TMCC3: variants seen among roughly 807,000 people sequenced by gnomAD.
TMCC3 encodes the protein transmembrane and coiled-coil domain family 3.
TMCC3 carries 28 observed loss-of-function variants against 40.2 expected under a neutral mutation model. That is an observed-to-expected ratio of 0.70 (90% CI 0.52 to 0.95). The LOEUF (loss-of-function observed/expected upper bound fraction) is 0.95, where lower values mean the gene tolerates loss of function less well. Ranked by LOEUF, TMCC3 falls within the 40% of genes least tolerant of loss-of-function variation. The pLI, the probability that TMCC3 is intolerant of heterozygous loss-of-function variation, is 0.00. For synonymous variants in TMCC3, 255 were observed against 248.5 expected (o/e 1.03, Z -0.25); for missense variants, 554 against 615.2 (o/e 0.90, Z 1.05).
Position 94,582,497 on chromosome 12 carries a change from G to T in TMCC3, c.120C>A (p.Asn40Lys), listed in dbSNP as rs775506507. ...HDMNTLSLPL[N>K]IRRGGSDTNL... ...TGGTGTCTGACCCCCCTCGGCGTATGTTCAGGGGCAGGCTTAAGGTATTCA... is the reference window on the plus strand; with the variant it reads ...TGGTGTCTGACCCCCCTCGGCGTATTTTCAGGGGCAGGCTTAAGGTATTCA... Residue 40 changes from asparagine to lysine, a missense_variant, in exon 2 of 4, where the codon AAC becomes AAA. By Grantham distance (94) the Asn-to-Lys change is moderately conservative. Transcript: ENST00000261226. 2.5e-6 allele frequency: 4 copies of T among 1,613,562 alleles called. No individual in the cohort carries two copies. In the African/African-American group the frequency reaches 5.3e-5, roughly 22 times the overall value.
At chr12:94,615,234 C>G (rs913982062) in intron 1 of TMCC3, among the ~76,000 whole-genome samples, 11 of 152,204 alleles carry the variant, frequency 7.2e-5, no homozygotes, top group Non-Finnish European at 1.6e-4. Flanking sequence ...CCTGTGAGAT[C>G]AAAGGCTCCC....
intron 3 of TMCC3, among the ~76,000 whole-genome samples, chr12:94,574,318 G>A (rs1348719292): frequency 6.6e-6 from 1 of 151,828 alleles, no homozygotes; most frequent in African/African-American, 2.4e-5. Context: ...AACCCAGGAG[G>A]CGGAGGTTGC....
At position 94,571,611 on chromosome 12, in the gene TMCC3, C is replaced by G; in HGVS notation, c.1258G>C (p.Ala420Pro). 6.2e-7 allele frequency: 1 copy of G among 1,614,160 alleles called. No homozygotes were observed. Among genetic ancestry groups the G allele is most frequent in the Non-Finnish European group, 8.5e-7 (1 of 1,180,032 alleles). Residue 420 changes from alanine to proline, a missense_variant, in exon 4 of 4, where the codon GCC (alanine) becomes CCC (proline). Physicochemically the swap from Ala to Pro is conservative, Grantham distance 27. Coordinates refer to ENST00000261226, the MANE Select transcript of TMCC3 (RefSeq NM_020698.4). ...CACACTAAGATGACAGTCATGAAGG[C>G]CAGGATCACGTTGATGCACCTCCCC... ...LLGRCINVILAFMTVILVCVS... is the reference protein window; with the variant it reads ...LLGRCINVILPFMTVILVCVS...
intron 1 of TMCC3, among the ~76,000 whole-genome samples, chr12:94,614,806 C>T (rs1433890715): frequency 4.7e-5 from 7 of 149,898 alleles, no homozygotes; most frequent in Admixed American, 6.7e-5. Flanking sequence ...CACTCTGTCA[C>T]CCAGGCTCGT....
chr12:94,573,819 C>A (rs1291091608), intron 3 of TMCC3, among the ~76,000 whole-genome samples: 1 of 124,908 alleles, frequency 8.0e-6, no homozygotes, highest in African/African-American at 2.9e-5. Context: ...GTGCCTCCCC[C>A]ACTCCATCCC....
At chr12:94,613,054 T>C (rs896490906) in intron 1 of TMCC3, among the ~76,000 whole-genome samples, 13 of 151,848 alleles carry the variant, frequency 8.6e-5, no homozygotes, top group Non-Finnish European at 4.4e-5. Flanking sequence ...GAGAGATATA[T>C]ATACACGCAC....
chr12:94,597,124 C>CATACATACATATAT (rs1491316794), intron 1 of TMCC3, among the ~76,000 whole-genome samples: 4 of 29,832 alleles, frequency 1.3e-4, no homozygotes, highest in Admixed American at 1.0e-3. Flanking sequence ...TATTAAAATA[C>CATACATACATATAT]ATATATATAT....
chr12:94,622,245 A>AC (rs1276615449), intron 1 of TMCC3, among the ~76,000 whole-genome samples: 4 of 151,594 alleles, frequency 2.6e-5, no homozygotes, highest in African/African-American at 7.3e-5. Flanking sequence ...GGGAAACCAA[A>AC]CCCCCCAAGC....
chr12:94,590,260 ATTTT>A (rs72186655), intron 1 of TMCC3, among the ~76,000 whole-genome samples: 14 of 85,362 alleles, frequency 1.6e-4, no homozygotes, highest in African/African-American at 7.1e-4. Context: ...CGCCCTGCTA[ATTTT>A]TTTTTTTTTT....
At chr12:94,574,930 C>A (rs1018540483) in intron 3 of TMCC3, among the ~76,000 whole-genome samples, 4 of 151,900 alleles carry the variant, frequency 2.6e-5, no homozygotes, top group Non-Finnish European at 5.9e-5. Flanking sequence ...TTTTTTTTAA[C>A]CAAAAGAAAA....
chr12:94,589,852 G>A (rs1336328303), intron 1 of TMCC3, among the ~76,000 whole-genome samples: 1 of 152,124 alleles, frequency 6.6e-6, no homozygotes, highest in Non-Finnish European at 1.5e-5. Flanking sequence ...AATAGCTTAG[G>A]TGGGGCTCAA....
At chr12:94,622,954 C>T (rs1391970177) in intron 1 of TMCC3, among the ~76,000 whole-genome samples, 1 of 151,954 alleles carries the variant, frequency 6.6e-6, no homozygotes, top group African/African-American at 2.4e-5. Flanking sequence ...TCAGCTGGAA[C>T]TTTCCAAAGA....
chr12:94,575,487 G>C (rs1205697029), intron 3 of TMCC3, among the ~76,000 whole-genome samples: 2 of 152,200 alleles, frequency 1.3e-5, no homozygotes, highest in East Asian at 3.8e-4. Flanking sequence ...CAGCATAGGT[G>C]AGGAGGGCCA....
intron 2 of TMCC3, among the ~76,000 whole-genome samples, chr12:94,580,429 G>C (rs1251259807): frequency 6.6e-6 from 1 of 152,034 alleles, no homozygotes; most frequent in Non-Finnish European, 1.5e-5. Flanking sequence ...GCAAACTACA[G>C]AACATAAAAA....
chr12:94,590,884 G>C (rs144807494), intron 1 of TMCC3: 41 of 575,080 alleles, frequency 7.1e-5, no homozygotes, highest in Non-Finnish European at 1.1e-4. Flanking sequence ...GGATGTTATC[G>C]GGCTCAGCCT....
At chr12:94,628,071 TGGTG>T (rs1442571979) in intron 1 of TMCC3, among the ~76,000 whole-genome samples, 1 of 152,236 alleles carries the variant, frequency 6.6e-6, no homozygotes, top group Non-Finnish European at 1.5e-5. Flanking sequence ...GCTCCTGACT[TGGTG>T]GAAGGTTGGG....
intron 1 of TMCC3, among the ~76,000 whole-genome samples, chr12:94,650,019 G>A (rs2069045709): frequency 6.6e-6 from 1 of 152,180 alleles, no homozygotes; most frequent in Non-Finnish European, 1.5e-5. Flanking sequence ...GGGTGGCCGG[G>A]TGGCGGGATT....
At chr12:94,598,021 A>G (rs2068729001) in intron 1 of TMCC3, among the ~76,000 whole-genome samples, 1 of 152,314 alleles carries the variant, frequency 6.6e-6, no homozygotes, top group Admixed American at 6.5e-5. Context: ...GAGAGGACAG[A>G]ATCTTGCCAG....
At chr12:94,626,687 C>T (rs1014115755) in intron 1 of TMCC3, among the ~76,000 whole-genome samples, 2 of 152,166 alleles carry the variant, frequency 1.3e-5, no homozygotes, top group South Asian at 2.1e-4. Flanking sequence ...TACAAGGATG[C>T]CACGGCTCAT....
Sources: allele counts gnomAD v4.1 joint callset (sites outside exome capture counted in the v4.1 genomes callset), GRCh38; gene constraint gnomAD v4.1.1; transcripts MANE v1.5; gene names NCBI Gene and HGNC (gene_info 2026-07-23, HGNC 2026-07-21).